The following NXPH1 variants were observed in gnomAD, a reference collection of about 807,000 sequenced individuals.
The protein encoded by NXPH1 is neurexophilin-1.
Under a neutral mutation model 23.7 loss-of-function variants are expected in NXPH1, and 5 were observed. The observed-to-expected ratio is 0.21, with a 90% CI of 0.11 to 0.44. NXPH1 has a LOEUF of 0.44. NXPH1 is among the 20% of genes least tolerant of loss of function. The pLI, the probability that NXPH1 is intolerant of heterozygous loss-of-function variation, is 0.99. For synonymous variants in NXPH1, 144 were observed against 122.2 expected, an observed-to-expected ratio of 1.18 and a Z score of -1.18; for missense variants, 324 against 321.6, an observed-to-expected ratio of 1.01 and a Z score of -0.06.
intron 2 of NXPH1, among the ~76,000 whole-genome samples, chr7:8,592,302 A>G (rs1182470952): frequency 6.6e-6 from 1 of 151,982 alleles, no homozygotes; most frequent in Non-Finnish European, 1.5e-5. Context: ...AATGTCACGC[A>G]ATACATAATA....
At chr7:8,668,792 G>A (rs920403018) in intron 2 of NXPH1, among the ~76,000 whole-genome samples, 15 of 151,822 alleles carry the variant, frequency 9.9e-5, no homozygotes, top group African/African-American at 1.9e-4. Flanking sequence ...TGGCTTCTGG[G>A]TCCATTGGGG....
intron 2 of NXPH1, among the ~76,000 whole-genome samples, chr7:8,464,741 G>A (rs1042184912): frequency 2.1e-5 from 3 of 143,724 alleles, no homozygotes; most frequent in African/African-American, 5.0e-5. Context: ...GAGCAAATGT[G>A]TAATGCGTGT....
At chr7:8,481,260 G>T (rs1461387502) in intron 2 of NXPH1, among the ~76,000 whole-genome samples, 1 of 152,192 alleles carries the variant, frequency 6.6e-6, no homozygotes, top group Non-Finnish European at 1.5e-5. Context: ...GGAGTGACTT[G>T]AGAGGTCAGA....
chr7:8,519,624 G>A (rs767146229), intron 2 of NXPH1, among the ~76,000 whole-genome samples: 1 of 152,022 alleles, frequency 6.6e-6, no homozygotes, highest in African/African-American at 2.4e-5. Context: ...TTCATAAATT[G>A]CAAAACAGCA....
chr7:8,544,853 T>G (rs1168428264), intron 2 of NXPH1, among the ~76,000 whole-genome samples: 1 of 151,640 alleles, frequency 6.6e-6, no homozygotes, highest in Non-Finnish European at 1.5e-5. Context: ...CTTTAGAAAA[T>G]GTAAATACAT....
At chr7:8,595,480 A>G (rs1399803848) in intron 2 of NXPH1, among the ~76,000 whole-genome samples, 10 of 151,914 alleles carry the variant, frequency 6.6e-5, no homozygotes, top group Non-Finnish European at 1.0e-4. Context: ...GTAAACATAT[A>G]TATATAGTAA....
chr7:8,751,410 T>A lies in NXPH1; in HGVS notation c.457T>A (p.Phe153Ile). 6.2e-7 allele frequency: 1 copy of A among 1,613,902 alleles called. No individual in the cohort carries two copies. Among genetic ancestry groups the A allele is most frequent in the Non-Finnish European group, 8.5e-7 (1 of 1,179,856 alleles). ...DHGNGTFSVY[F>I]RHNSTGQGNV... The stretch of plus-strand genomic sequence containing the variant: ...TGGCAATGGGACATTTAGTGTTTAT[T>A]TCAGGCATAATTCAACTGGTCAAGG... The change falls in exon 3 of 3, where the codon TTC (phenylalanine) becomes ATC (isoleucine). Residue 153 changes from phenylalanine to isoleucine, a missense_variant. Phe to Ile is a conservative substitution (Grantham distance 21). Coordinates refer to ENST00000405863, the MANE Select transcript of NXPH1 (RefSeq NM_152745.3). The surrounding 1 kb of genome is among the most constrained non-coding windows in gnomAD (Gnocchi z 4.5).
At chr7:8,599,807 A>ATTTTTTTT (rs57462739) in intron 2 of NXPH1, among the ~76,000 whole-genome samples, 1 of 145,208 alleles carries the variant, frequency 6.9e-6, no homozygotes, top group African/African-American at 2.6e-5. Flanking sequence ...AGATAGGAAG[A>ATTTTTTTT]TTTTTTTTTT....
intron 2 of NXPH1, among the ~76,000 whole-genome samples, chr7:8,448,843 G>T (rs1313207437): frequency 7.1e-6 from 1 of 141,798 alleles, no homozygotes; most frequent in African/African-American, 2.7e-5. Context: ...AAAAAAAAAG[G>T]ACATTTCTAC....
chr7:8,655,287 A>G (rs964438646), intron 2 of NXPH1, among the ~76,000 whole-genome samples: 11 of 152,030 alleles, frequency 7.2e-5, no homozygotes, highest in African/African-American at 2.7e-4. Flanking sequence ...TGGGAGGCTG[A>G]GGTGGGAGAA....
intron 2 of NXPH1, among the ~76,000 whole-genome samples, chr7:8,708,205 C>T (rs1779732427): frequency 6.6e-6 from 1 of 152,092 alleles, no homozygotes; most frequent in Non-Finnish European, 1.5e-5. Context: ...CATGAGGAAC[C>T]TGATGTCTGT....
At position 8,508,304 on chromosome 7, in the gene NXPH1, A is replaced by G. The variant is rs577968496; in HGVS notation, c.54+72537A>G. ...CAAACTTTGATTGATTGTTAAGGGC[A>G]TGTGGAATCAGTAGTTGGCTATGTT... On this transcript the variant is annotated intron_variant, in intron 2 of 2. Coordinates refer to ENST00000405863, the MANE Select transcript of NXPH1 (RefSeq NM_152745.3). 2.6e-5 allele frequency among the ~76,000 whole-genome samples: 4 copies of G among 152,266 alleles called. No individual in the cohort carries two copies. The East Asian group carries it at 7.7e-4, about 29-fold the overall frequency.
At chr7:8,604,065 GA>G (rs1322067005) in intron 2 of NXPH1, among the ~76,000 whole-genome samples, 2 of 151,402 alleles carry the variant, frequency 1.3e-5, no homozygotes, top group Admixed American at 6.6e-5. Context: ...TGCAAATGAG[GA>G]AAAAAATAAA....
At chr7:8,570,812 AG>A (rs1379077472) in intron 2 of NXPH1, among the ~76,000 whole-genome samples, 1 of 151,830 alleles carries the variant, frequency 6.6e-6, no homozygotes, top group Non-Finnish European at 1.5e-5. Context: ...GGCATGATAC[AG>A]TCATGGTAGA....
chr7:8,742,034 A>C (rs1159498904), intron 2 of NXPH1, among the ~76,000 whole-genome samples: 1 of 152,294 alleles, frequency 6.6e-6, no homozygotes, highest in Non-Finnish European at 1.5e-5. Context: ...TAAACTAGTT[A>C]AGAAAGGGTC....
chr7:8,602,594 T>G (rs1819385315), intron 2 of NXPH1, among the ~76,000 whole-genome samples: 1 of 152,242 alleles, frequency 6.6e-6, no homozygotes, highest in South Asian at 2.1e-4. Flanking sequence ...CTCATTTATA[T>G]TAAGCATAAT....
Position 8,583,390 on chromosome 7 carries a change from G to T in NXPH1, c.54+147623G>T, listed in dbSNP as rs532062708. On this transcript the variant is annotated intron_variant, in intron 2 of 2. Transcript: ENST00000405863. ...AGTTACATGGCCTCTCTATGCCTCA[G>T]TTTCCTTATCTATAGGTAAAATGTG... Among the ~76,000 whole-genome samples, 3 of 152,196 alleles carry T rather than the reference G, an allele frequency of 2.0e-5. No individual in the cohort carries two copies. In the South Asian group the frequency reaches 6.2e-4, roughly 31 times the overall value.
chr7:8,480,533 C>T (rs562162126), intron 2 of NXPH1, among the ~76,000 whole-genome samples: 8 of 152,264 alleles, frequency 5.3e-5, no homozygotes, highest in Non-Finnish European at 7.4e-5. Flanking sequence ...GACATAGGCT[C>T]GTTGTCACCA....
intron 2 of NXPH1, among the ~76,000 whole-genome samples, chr7:8,750,404 T>C (rs1467603390): frequency 6.6e-6 from 1 of 152,146 alleles, no homozygotes; most frequent in Admixed American, 6.5e-5. Context: ...TGCCATGGTG[T>C]TTTGCCGCAC....
Sources: allele counts gnomAD v4.1 joint callset (sites outside exome capture counted in the v4.1 genomes callset), GRCh38; gene constraint gnomAD v4.1.1; non-coding constraint Gnocchi (gnomAD v3.1); transcripts MANE v1.5; gene names NCBI Gene and HGNC (gene_info 2026-07-23, HGNC 2026-07-21).